PPP1R9A: variants seen among roughly 807,000 people sequenced by gnomAD.
PPP1R9A encodes the protein protein phosphatase 1 regulatory subunit 9A, also known as neurabin-1.
PPP1R9A carries 59 observed loss-of-function variants against 141.9 expected under a neutral mutation model. The observed-to-expected ratio is 0.42, with a 90% confidence interval of 0.34 to 0.52. PPP1R9A has a LOEUF of 0.52. Ranked by LOEUF, PPP1R9A falls within the 20% of genes least tolerant of loss-of-function variation. The pLI is 0.10. For synonymous variants in PPP1R9A, 500 were observed against 569.7 expected (o/e 0.88, Z 1.74); for missense variants, 1,444 against 1,611.9 (o/e 0.90, Z 1.78).
At chr7:94,919,301 A>ATTTTTTTTTTTTTTTTTTTTTTTTT (rs757456894) in intron 2 of PPP1R9A, among the ~76,000 whole-genome samples, 1 of 106,200 alleles carries the variant, frequency 9.4e-6, no homozygotes, top group Non-Finnish European at 1.9e-5. Context: ...GGATAATTAC[A>ATTTTTTTTTTTTTTTTTTTTTTTTT]TTTTTTTTTT....
intron 2 of PPP1R9A, among the ~76,000 whole-genome samples, chr7:95,078,591 CCAA>C (rs1175091077): frequency 6.6e-6 from 1 of 152,142 alleles, no homozygotes; most frequent in Admixed American, 6.5e-5. Context: ...GTTTACAGTC[CCAA>C]CAACAGTGTA....
chr7:95,112,104 C>T (rs1174521310), intron 3 of PPP1R9A, among the ~76,000 whole-genome samples: 1 of 151,576 alleles, frequency 6.6e-6, no homozygotes, highest in African/African-American at 2.4e-5. Flanking sequence ...AAACAAAAAC[C>T]TACCCAAGGA....
chr7:95,005,665 T>C (rs1263018403), intron 2 of PPP1R9A, among the ~76,000 whole-genome samples: 1 of 152,172 alleles, frequency 6.6e-6, no homozygotes, highest in Non-Finnish European at 1.5e-5. Flanking sequence ...GTTGTAAAAG[T>C]GATATATACT....
intron 2 of PPP1R9A, among the ~76,000 whole-genome samples, chr7:95,058,100 A>G (rs1167645438): frequency 6.6e-6 from 1 of 152,218 alleles, no homozygotes; most frequent in Non-Finnish European, 1.5e-5. Context: ...GTGAATGAGT[A>G]CTGTAAATAA....
At chr7:95,106,938 C>G (rs901724172) in intron 2 of PPP1R9A, among the ~76,000 whole-genome samples, 1 of 151,966 alleles carries the variant, frequency 6.6e-6, no homozygotes, top group South Asian at 2.1e-4. Context: ...CACGCCACCA[C>G]GCCCAGTTAA....
intron 4 of PPP1R9A, among the ~76,000 whole-genome samples, chr7:95,127,842 CATG>C (rs1391115792): frequency 6.6e-6 from 1 of 152,144 alleles, no homozygotes; most frequent in African/African-American, 2.4e-5. Flanking sequence ...CTGTGAAGGA[CATG>C]ATTTCATTCT....
chr7:95,219,374 C>T (rs1585316250), intron 7 of PPP1R9A, among the ~76,000 whole-genome samples: 2 of 152,042 alleles, frequency 1.3e-5, no homozygotes, highest in Admixed American at 6.6e-5. Flanking sequence ...GTGGGTAACC[C>T]GATGTTTCTC....
chr7:95,235,607 G>C (rs1316100717), intron 8 of PPP1R9A, among the ~76,000 whole-genome samples: 1 of 152,184 alleles, frequency 6.6e-6, no homozygotes, highest in East Asian at 1.9e-4. Context: ...ATGGAAAACA[G>C]TGTGGAGATT....
At chr7:95,255,808 A>G (rs921904132) in intron 12 of PPP1R9A, among the ~76,000 whole-genome samples, 2 of 152,156 alleles carry the variant, frequency 1.3e-5, no homozygotes, top group Non-Finnish European at 2.9e-5. Context: ...TTGAAATGAC[A>G]TAGTGTGTTC....
At chr7:95,036,493 A>G (rs868306022) in intron 2 of PPP1R9A, 1 of 152,182 alleles carries the variant, frequency 6.6e-6, no homozygotes, top group South Asian at 2.1e-4. Flanking sequence ...AGTTATAGCT[A>G]ATATGGTTGC....
At chr7:95,143,293 G>A (rs969863230) in intron 4 of PPP1R9A, among the ~76,000 whole-genome samples, 2 of 152,062 alleles carry the variant, frequency 1.3e-5, no homozygotes, top group Non-Finnish European at 2.9e-5. Flanking sequence ...TTTTTGGTCT[G>A]GTTTAGTCTT....
At chr7:95,148,459 A>G (rs1459411744) in intron 4 of PPP1R9A, among the ~76,000 whole-genome samples, 3 of 152,220 alleles carry the variant, frequency 2.0e-5, no homozygotes, top group African/African-American at 7.2e-5. Flanking sequence ...AAGATGAAAT[A>G]GACCAATTTT....
chr7:95,196,310 T>A (rs534491677), intron 5 of PPP1R9A, among the ~76,000 whole-genome samples: 3 of 152,270 alleles, frequency 2.0e-5, no homozygotes, highest in African/African-American at 7.2e-5. Flanking sequence ...GCCAAAATTT[T>A]TAAAGACAGT....
Position 94,910,064 on chromosome 7 carries a change from T to G in PPP1R9A, c.-50T>G, listed in dbSNP as rs760937309. Reference sequence around the variant, plus strand: ...AGAAGAGAGGTATCTTGGTTTTTGGTTTTTTTCTTTGATCATTATGAACAT... The same window carrying G: ...AGAAGAGAGGTATCTTGGTTTTTGGGTTTTTTCTTTGATCATTATGAACAT... On this transcript the variant is annotated 5_prime_UTR_variant, in exon 2 of 20. Coordinates refer to ENST00000433360, the MANE Select transcript of PPP1R9A (RefSeq NM_001166160.2). The surrounding 1 kb of genome is among the most constrained non-coding windows in gnomAD (Gnocchi z 4.5). 2.0e-6 allele frequency: 3 copies of G among 1,529,194 alleles called. No individual in the cohort carries two copies. The highest frequency in any genetic ancestry group is 2.6e-6 in the Non-Finnish European group (3 of 1,136,666). 94.7% of individuals were successfully genotyped at this position (1,529,194 alleles called of 1,614,324 possible). A position where few individuals can be genotyped will look rare whatever the true frequency, so the allele number is the denominator to read the frequency against.
At chr7:94,992,905 C>G (rs1801697014) in intron 2 of PPP1R9A, among the ~76,000 whole-genome samples, 1 of 151,934 alleles carries the variant, frequency 6.6e-6, no homozygotes, top group Non-Finnish European at 1.5e-5. Context: ...TCCGCTTTAG[C>G]AAGTTTTTCT....
chr7:95,113,072 T>A (rs1163062869), intron 3 of PPP1R9A, among the ~76,000 whole-genome samples: 1 of 152,166 alleles, frequency 6.6e-6, no homozygotes, highest in African/African-American at 2.4e-5. Flanking sequence ...CCCCTGAATT[T>A]ATACAGATTT....
At chr7:95,168,417 T>C (rs929331869) in intron 5 of PPP1R9A, among the ~76,000 whole-genome samples, 1 of 151,932 alleles carries the variant, frequency 6.6e-6, no homozygotes, top group African/African-American at 2.4e-5. Context: ...GACTGAAATG[T>C]AAGCCCCACA....
intron 5 of PPP1R9A, among the ~76,000 whole-genome samples, chr7:95,182,814 A>G (rs1834054044): frequency 6.6e-6 from 1 of 152,232 alleles, no homozygotes; most frequent in Non-Finnish European, 1.5e-5. Context: ...GTTGAGAGAA[A>G]GAGTAAAACC....
chr7:95,249,244 T>C (rs1456786152), intron 9 of PPP1R9A, among the ~76,000 whole-genome samples: 1 of 152,162 alleles, frequency 6.6e-6, no homozygotes, highest in Non-Finnish European at 1.5e-5. Flanking sequence ...ATCTTTTATA[T>C]TTTTATGGGA....
Sources: allele counts gnomAD v4.1 joint callset (sites outside exome capture counted in the v4.1 genomes callset), GRCh38; gene constraint gnomAD v4.1.1; non-coding constraint Gnocchi (gnomAD v3.1); transcripts MANE v1.5; gene names NCBI Gene and HGNC (gene_info 2026-07-23, HGNC 2026-07-21).